The following BCL9 variants were observed in gnomAD, a reference collection of about 807,000 sequenced individuals.
The protein encoded by BCL9 is BCL9 transcription coactivator.
In BCL9, 25 loss-of-function variants were observed where a neutral mutation model predicts 88.5. The observed-to-expected ratio is 0.28, with a 90% CI of 0.21 to 0.39. The LOEUF is 0.39. Ranked by LOEUF, BCL9 falls within the 10% of genes least tolerant of loss-of-function variation. BCL9 has a pLI of 1.00. For synonymous variants in BCL9, 711 were observed against 673.3 expected, an observed-to-expected ratio of 1.06 and a Z score of -0.87; for missense variants, 1,817 against 1,877.8, an observed-to-expected ratio of 0.97 and a Z score of 0.60.
intron 9 of BCL9, 28 bp from the exon 10 acceptor site, chr1:147,623,814 G>C: frequency 6.3e-7 from 1 of 1,577,156 alleles, no homozygotes; most frequent in South Asian, 1.2e-5. Context: ...TGGTTAAGTT[G>C]ATTCCTTTGA....
intron 1 of BCL9, among the ~76,000 whole-genome samples, chr1:147,571,680 G>A (rs1655894570): frequency 6.6e-6 from 1 of 152,130 alleles, no homozygotes; most frequent in Admixed American, 6.5e-5. Context: ...AGAGGAAATG[G>A]CCTCACAACA....
At chr1:147,579,376 A>T (rs782137555) in intron 1 of BCL9, among the ~76,000 whole-genome samples, 77 of 152,350 alleles carry the variant, frequency 5.1e-4, no homozygotes, top group Non-Finnish European at 9.6e-4. Flanking sequence ...TCAAATGCAG[A>T]GAATTGCCTT....
intron 1 of BCL9, among the ~76,000 whole-genome samples, chr1:147,554,369 G>T (rs116627028): frequency 0.01 from 1,554 of 152,196 alleles, 34 homozygotes; most frequent in African/African-American, 0.036. Context: ...TTTAATTTTG[G>T]GTAAAGGGAA....
rs200589355 is a variant in BCL9, at chr1:147,611,815, T to C, written c.-22T>C. The C allele has an allele frequency of 4.3e-6, 7 of 1,613,598 alleles. No individual in the cohort carries two copies. In the East Asian group the frequency reaches 1.6e-4, roughly 36 times the overall value. On this transcript the variant is annotated 5_prime_UTR_variant, in exon 4 of 10. Coordinates refer to ENST00000234739, the MANE Select transcript of BCL9 (RefSeq NM_004326.4). ...TCGGTGAGCCTGTCCCGTTTGTGAC[T>C]GCAAGCTCAGGATTTCAATCAATGC...
At position 147,612,888 on chromosome 1, in the gene BCL9, C is replaced by G; in HGVS notation, c.59C>G (p.Pro20Arg). 2.5e-6 allele frequency: 4 copies of G among 1,613,628 alleles called. No homozygotes were observed. The highest frequency in any genetic ancestry group is 3.4e-6 in the Non-Finnish European group (4 of 1,179,778). Residue 20 changes from proline to arginine, a missense_variant, in exon 5 of 10, where the codon CCT (proline) becomes CGT (arginine). This residue lies in a region of BCL9 where 1,228 missense variants were observed against 1,191.6 expected (regional missense o/e 1.03). Coordinates refer to ENST00000234739, the MANE Select transcript of BCL9 (RefSeq NM_004326.4). Reference protein sequence around the residue: ...SSPSGNTQSSPKSKQEVMVRP... With the variant: ...SSPSGNTQSSRKSKQEVMVRP... ...TTGTTATTTGTTTCTTTTAGTAGCC[C>G]TAAGTCAAAGCAGGAGGTGATGGTC...
chr1:147,608,917 G>A (rs587631292), intron 3 of BCL9, among the ~76,000 whole-genome samples: 1 of 152,286 alleles, frequency 6.6e-6, no homozygotes, highest in East Asian at 1.9e-4. Flanking sequence ...CACTTACTAG[G>A]GTGTGAGCTT....
chr1:147,555,783 G>A (rs1366496868), intron 1 of BCL9, among the ~76,000 whole-genome samples: 2 of 152,172 alleles, frequency 1.3e-5, no homozygotes, highest in African/African-American at 4.8e-5. Context: ...ATTTAATGAT[G>A]TTTTGTGGTT....
chr1:147,542,035 C>T (rs1180236785), intron 1 of BCL9, among the ~76,000 whole-genome samples: 3 of 152,188 alleles, frequency 2.0e-5, no homozygotes, highest in Admixed American at 6.5e-5. Context: ...AGCCCAGAGC[C>T]CAGGGAGGCC....
intron 1 of BCL9, among the ~76,000 whole-genome samples, chr1:147,568,640 C>G (rs1259431328): frequency 6.6e-6 from 1 of 151,866 alleles, no homozygotes; most frequent in African/African-American, 2.4e-5. Context: ...TTCAAGAGGA[C>G]TATTAACAAT....
chr1:147,554,241 G>C (rs1197382532), intron 1 of BCL9, among the ~76,000 whole-genome samples: 2 of 152,110 alleles, frequency 1.3e-5, no homozygotes, highest in African/African-American at 4.8e-5. Context: ...TCAGCATTGG[G>C]TCCTTTCATT....
intron 1 of BCL9, among the ~76,000 whole-genome samples, chr1:147,603,467 G>C (rs141780481): frequency 5.3e-5 from 8 of 152,196 alleles, no homozygotes; most frequent in African/African-American, 1.9e-4. Flanking sequence ...GTCTGCCTTG[G>C]TGAAGATTAC....
At position 147,592,494 on chromosome 1, in the gene BCL9, A is replaced by T. The variant is rs144331534; in HGVS notation, c.-477-12283A>T. ...AGGAGGATAGAGGTCTGGCCAGATA[A>T]CTTATTAAAATGAAACAAGGCTAAC... On this transcript the variant is annotated intron_variant, in intron 1 of 9. Coordinates refer to ENST00000234739, the MANE Select transcript of BCL9 (RefSeq NM_004326.4). Among the ~76,000 whole-genome samples, 324 of 152,328 alleles carry T rather than the reference A, an allele frequency of 2.1e-3. 2 individuals are homozygous for T. Among genetic ancestry groups the T allele is most frequent in the African/African-American group, 7.5e-3 (313 of 41,570 alleles).
In BCL9 at chr1:147,619,461, A is replaced by G. The variant is rs782654430; in HGVS notation, c.1306A>G (p.Arg436Gly). ...VGAPFGPQGH[R>G]DVPFSPDEMV... ...AGCTCCATTTGGCCCTCAAGGACAT[A>G]GAGATGTACCCTTTTCTCCAGATGA... Residue 436 changes from arginine to glycine, a missense_variant, in exon 8 of 10, where the codon AGA becomes GGA. Arg to Gly is a moderately radical substitution (Grantham distance 125, BLOSUM62 -2). Coordinates refer to ENST00000234739, the MANE Select transcript of BCL9 (RefSeq NM_004326.4). This position sits in a 1 kb window ranked among gnomAD's most constrained non-coding sequence, Gnocchi z 4.1. 4 of 1,614,144 alleles carry G rather than the reference A, an allele frequency of 2.5e-6. No homozygotes were observed. In the South Asian group the frequency reaches 4.4e-5, roughly 18 times the overall value.
intron 1 of BCL9, among the ~76,000 whole-genome samples, chr1:147,568,648 A>C (rs7523564): frequency 0.042 from 6,397 of 152,198 alleles, 204 homozygotes; most frequent in Non-Finnish European, 0.067. Context: ...GACTATTAAC[A>C]ATCTCCTTCT....
intron 1 of BCL9, among the ~76,000 whole-genome samples, chr1:147,593,588 C>A (rs587633814): frequency 1.3e-5 from 2 of 152,334 alleles, no homozygotes; most frequent in East Asian, 1.9e-4. Context: ...CTGATCCCAA[C>A]ATCAGGGGAG....
intron 1 of BCL9, among the ~76,000 whole-genome samples, chr1:147,564,869 C>T (rs1233248641): frequency 5.9e-5 from 9 of 152,072 alleles, no homozygotes; most frequent in Non-Finnish European, 1.0e-4. Flanking sequence ...AATATCTACC[C>T]GGTCCAATAT....
chr1:147,582,450 C>T (rs1656409182), intron 1 of BCL9, among the ~76,000 whole-genome samples: 1 of 152,148 alleles, frequency 6.6e-6, no homozygotes, highest in Non-Finnish European at 1.5e-5. Flanking sequence ...TATTTTAATA[C>T]AGACACCCTG....
intron 1 of BCL9, among the ~76,000 whole-genome samples, chr1:147,559,128 CT>C (rs11292399): frequency 4.6e-4 from 64 of 139,032 alleles, no homozygotes; most frequent in Admixed American, 1.4e-3. Context: ...CTTTCTTCTT[CT>C]TTTTTTTTTT....
rs3820129 is a variant in BCL9, at chr1:147,620,166, C to T, written c.2011C>T (p.Pro671Ser). 604,349 of 1,613,790 alleles carry T rather than the reference C, an allele frequency of 0.37. 123,547 individuals are homozygous for T. Among genetic ancestry groups the T allele is most frequent in the Non-Finnish European group, 0.42 (500,623 of 1,179,844 alleles). Residue 671 changes from proline to serine, a missense_variant, in exon 8 of 10, where the codon CCT becomes TCT. Pro to Ser is a moderately conservative substitution (Grantham distance 74). Coordinates refer to ENST00000234739, the MANE Select transcript of BCL9 (RefSeq NM_004326.4). ...TCCAGGCTCCCAGCGCCACATGGAG[C>T]CTGGGAATAACCCCATTTTCCCTCG... ...MIPGSQRHME[P>S]GNNPIFPRIP... is the part of the protein sequence containing the mutation.
Sources: allele counts gnomAD v4.1 joint callset (sites outside exome capture counted in the v4.1 genomes callset), GRCh38; gene constraint gnomAD v4.1.1; regional missense constraint gnomAD v4.1.1; non-coding constraint Gnocchi (gnomAD v3.1); transcripts MANE v1.5; gene names NCBI Gene and HGNC (gene_info 2026-07-23, HGNC 2026-07-21).